ZC3H12B: variants seen among roughly 807,000 people sequenced by gnomAD.
ZC3H12B encodes zinc finger CCCH-type containing 12B.
ZC3H12B carries 7 observed loss-of-function variants against 43.9 expected under a neutral mutation model. That is an observed-to-expected ratio of 0.16 (90% CI 0.09 to 0.30). ZC3H12B has a LOEUF of 0.30. Ranked by LOEUF, ZC3H12B falls within the 10% of genes least tolerant of loss-of-function variation. The pLI is 1.00. For synonymous variants in ZC3H12B, 222 were observed against 241.7 expected, an observed-to-expected ratio of 0.92 and a Z score of 0.76; for missense variants, 475 against 670.2, an observed-to-expected ratio of 0.71 and a Z score of 3.22.
intron 3 of ZC3H12B, among the ~76,000 whole-genome samples, chrX:65,481,502 G>A (rs1398813446): frequency 9.0e-6 from 1 of 111,130 alleles, no homozygotes; most frequent in Non-Finnish European, 1.9e-5. Flanking sequence ...AGCTCCAAAT[G>A]CAGAAGGTTT....
At chrX:65,431,432 T>G (rs2067160430) in intron 3 of ZC3H12B, among the ~76,000 whole-genome samples, 1 of 112,507 alleles carries the variant, frequency 8.9e-6, no homozygotes, top group Admixed American at 9.4e-5. Flanking sequence ...AGTGGTGGCC[T>G]TAGCCAAGTT....
the ZC3H12B span, among the ~76,000 whole-genome samples, chrX:65,305,379 T>C: frequency 8.9e-6 from 1 of 112,007 alleles, no homozygotes; most frequent in African/African-American, 3.2e-5. Flanking sequence ...GGAGGTAGCA[T>C]AGGCAGTTGA....
At chrX:65,378,675 C>T (rs1280767445) in intron 2 of ZC3H12B, among the ~76,000 whole-genome samples, 1 of 112,350 alleles carries the variant, frequency 8.9e-6, no homozygotes, top group Non-Finnish European at 1.9e-5. Flanking sequence ...AGGGTGATTT[C>T]TGCATCTCCA....
the ZC3H12B span, among the ~76,000 whole-genome samples, chrX:65,309,852 A>G: frequency 2.7e-5 from 3 of 112,230 alleles, no homozygotes; most frequent in African/African-American, 6.5e-5. Flanking sequence ...AACATAAGCA[A>G]ATCAATAAAC....
At chrX:65,383,633 C>G (rs1219321183) in intron 2 of ZC3H12B, among the ~76,000 whole-genome samples, 1 of 110,774 alleles carries the variant, frequency 9.0e-6, no homozygotes, top group African/African-American at 3.3e-5. Context: ...AGCTTCTGCA[C>G]AGCAAAAGAA....
At chrX:65,234,243 A>G in the ZC3H12B span, among the ~76,000 whole-genome samples, 22 of 112,447 alleles carry the variant, frequency 2.0e-4, 1 homozygote, top group Admixed American at 2.1e-3. Context: ...CATCAACAGA[A>G]TAAGGGACAA....
At chrX:65,164,940 A>G in the ZC3H12B span, among the ~76,000 whole-genome samples, 304 of 112,302 alleles carry the variant, frequency 2.7e-3, 1 homozygote, top group East Asian at 0.046. Flanking sequence ...AGAAAATAAA[A>G]TCAATCATAC....
At chrX:65,177,116 G>T in the ZC3H12B span, among the ~76,000 whole-genome samples, 1 of 112,100 alleles carries the variant, frequency 8.9e-6, no homozygotes, top group Admixed American at 9.5e-5. Flanking sequence ...ACACAAGGAT[G>T]GTTCAACATA....
the ZC3H12B span, among the ~76,000 whole-genome samples, chrX:65,071,349 G>A: frequency 1.0e-5 from 1 of 97,534 alleles, no homozygotes; most frequent in East Asian, 3.2e-4. Context: ...GCCTATTGGT[G>A]TCATTGTATG....
chrX:65,398,499 G>A (rs1459991474), intron 2 of ZC3H12B, 94 bp from the exon 5 acceptor site: 2 of 111,606 alleles, frequency 1.8e-5, no homozygotes, highest in Non-Finnish European at 3.8e-5. Flanking sequence ...TTTTCCCCAT[G>A]CAGTTCTCAT....
At chrX:65,376,046 G>C (rs1046370949) in intron 2 of ZC3H12B, among the ~76,000 whole-genome samples, 1 of 112,076 alleles carries the variant, frequency 8.9e-6, no homozygotes, top group African/African-American at 3.2e-5. Context: ...GACGTGCCTT[G>C]GGCCAAAATG....
At chrX:65,383,757 GA>G (rs763401593) in intron 2 of ZC3H12B, among the ~76,000 whole-genome samples, 6 of 110,264 alleles carry the variant, frequency 5.4e-5, no homozygotes, top group South Asian at 3.9e-4. Flanking sequence ...AAATTTACAA[GA>G]AAAAAAACAA....
the ZC3H12B span, among the ~76,000 whole-genome samples, chrX:65,232,751 A>G: frequency 1.1e-4 from 12 of 111,433 alleles, no homozygotes; most frequent in Non-Finnish European, 3.8e-5. Flanking sequence ...ATCAATATTA[A>G]CATTGAATGT....
At chrX:65,184,499 A>G in the ZC3H12B span, among the ~76,000 whole-genome samples, 1 of 111,529 alleles carries the variant, frequency 9.0e-6, no homozygotes, top group African/African-American at 3.3e-5. Context: ...CAGAAGGTGG[A>G]TTTTGTGATG....
upstream of ZC3H12B, among the ~76,000 whole-genome samples, chrX:65,363,421 A>G (rs984749776): frequency 8.9e-6 from 1 of 111,746 alleles, no homozygotes; most frequent in Non-Finnish European, 1.9e-5. Flanking sequence ...CTTCCTGGGC[A>G]TGGTTGGATA....
the ZC3H12B span, among the ~76,000 whole-genome samples, chrX:65,103,193 T>C: frequency 9.0e-6 from 1 of 111,258 alleles, no homozygotes; most frequent in Non-Finnish European, 1.9e-5. Context: ...AGACAGACAT[T>C]CCCAGAGTGG....
At chrX:65,138,432 A>G in the ZC3H12B span, among the ~76,000 whole-genome samples, 3 of 111,927 alleles carry the variant, frequency 2.7e-5, no homozygotes, top group African/African-American at 6.5e-5. Flanking sequence ...AAAAGGCTGA[A>G]TACAATTTTA....
At chrX:65,379,306 C>A (rs756296282) in intron 2 of ZC3H12B, among the ~76,000 whole-genome samples, 14 of 111,826 alleles carry the variant, frequency 1.3e-4, no homozygotes, top group Admixed American at 2.8e-4. Context: ...ACCTCTGACC[C>A]CCATGCAGCC....
the ZC3H12B span, among the ~76,000 whole-genome samples, chrX:65,212,167 TATA>T: frequency 1.4e-4 from 7 of 51,082 alleles, no homozygotes; most frequent in Admixed American, 8.2e-4. Flanking sequence ...GTATATAATA[TATA>T]ATATTATATA....
Sources: allele counts gnomAD v4.1 joint callset (sites outside exome capture counted in the v4.1 genomes callset), GRCh38; gene constraint gnomAD v4.1.1; transcripts MANE v1.5; gene names NCBI Gene and HGNC (gene_info 2026-07-23, HGNC 2026-07-21).